The following MED1 variants were observed in gnomAD, a reference collection of about 807,000 sequenced individuals.
MED1 encodes mediator complex subunit 1.
MED1 carries 17 observed loss-of-function variants against 121.3 expected under a neutral mutation model. The ratio of observed to expected loss-of-function variants is 0.14; its 90% CI spans 0.10 to 0.21. The LOEUF is 0.21. Among genes scored for constraint, MED1 ranks in the 10% least tolerant of loss-of-function variants. The pLI is 1.00. For synonymous variants in MED1, 661 were observed against 694.4 expected, an observed-to-expected ratio of 0.95 and a Z score of 0.76; for missense variants, 1,558 against 1,919.4, an observed-to-expected ratio of 0.81 and a Z score of 3.52.
At chr17:39,439,003 C>T (rs1329712474) in intron 6 of MED1, among the ~76,000 whole-genome samples, 162 bp downstream of exon 6, 1 of 152,094 alleles carries the variant, frequency 6.6e-6, no homozygotes, top group Non-Finnish European at 1.5e-5. Flanking sequence ...AAAAGCTATG[C>T]TATGTCAATT....
At chr17:39,423,662 A>G (rs2048487841) in intron 12 of MED1, 35 bp downstream of exon 12, 1 of 1,613,458 alleles carries the variant, frequency 6.2e-7, no homozygotes, top group Non-Finnish European at 8.5e-7. Flanking sequence ...TTTCACATTT[A>G]TAACAAGTAC....
chr17:39,412,615 C>T (rs1444928677), intron 16 of MED1, among the ~76,000 whole-genome samples: 15 of 149,900 alleles, frequency 1.0e-4, no homozygotes, highest in Non-Finnish European at 1.6e-4. Flanking sequence ...CTTGGCTTAC[C>T]GCAACTTCCG....
Position 39,425,530 on chromosome 17 carries a change from G to A in MED1, c.740-792C>T, listed in dbSNP as rs146077035. Among the ~76,000 whole-genome samples, 413 of 152,254 alleles carry A rather than the reference G, an allele frequency of 2.7e-3. 1 individual carries two copies. The highest frequency in any genetic ancestry group is 9.3e-3 in the African/African-American group (385 of 41,572). On this transcript the variant is annotated intron_variant, in intron 10 of 16. Transcript: ENST00000300651. ...ATAAAACTTAGAAATCAGGCCAGGT[G>A]TGATGGCTCATGCCTGTAATCCCAG... is the stretch of plus-strand genomic sequence containing the variant.
rs1046243594 is a variant in MED1 at position 39,405,811 on chromosome 17, T to C, written c.*1664A>G. 5 of 986,104 alleles carry C rather than the reference T, an allele frequency of 5.1e-6. No homozygotes were observed. Among genetic ancestry groups the C allele is most frequent in the African/African-American group, 1.7e-5 (1 of 57,246 alleles). 61.1% of individuals were successfully genotyped at this position (986,104 alleles called of 1,614,324 possible). ...AGCCAAAGCTGATTTTCCAACTCTATGCTGACTCCAACCTGCAGAAAAAGC... is the reference window on the plus strand; with the variant it reads ...AGCCAAAGCTGATTTTCCAACTCTACGCTGACTCCAACCTGCAGAAAAAGC... On this transcript the variant is annotated 3_prime_UTR_variant, in exon 17 of 17. Coordinates refer to ENST00000300651, the MANE Select transcript of MED1 (RefSeq NM_004774.4).
chr17:39,410,293 G>T lies in MED1; in HGVS notation c.1928C>A (p.Pro643Gln). 6.2e-7 allele frequency: 1 copy of T among 1,613,924 alleles called. No individual in the cohort carries two copies. Residue 643 changes from proline to glutamine, a missense_variant, in exon 17 of 17, where the codon CCG becomes CAG. Pro to Gln is a moderately conservative substitution (Grantham distance 76, BLOSUM62 -1). Around this residue, in one of 5 missense-constraint regions of MED1, gnomAD observed 793 missense variants for 898.2 expected, o/e 0.88. Transcript: ENST00000300651. ...SSMAGNTKNH[P>Q]MLMNLLKDNP... is the part of the protein sequence containing the mutation. Reference sequence around the variant, plus strand: ...ATCTTTAAGAAGGTTCATGAGCATCGGGTGGTTCTTGGTGTTGCCGGCCAT... The same window carrying T: ...ATCTTTAAGAAGGTTCATGAGCATCTGGTGGTTCTTGGTGTTGCCGGCCAT...
chr17:39,411,226 G>C (rs572519497), intron 16 of MED1, among the ~76,000 whole-genome samples: 40 of 152,222 alleles, frequency 2.6e-4, no homozygotes, highest in African/African-American at 9.1e-4. Context: ...GGTTGAGGCA[G>C]GAGAATTGCT....
chr17:39,405,887 A>C lies in MED1; in HGVS notation c.*1588T>G. On this transcript the variant is annotated 3_prime_UTR_variant, in exon 17 of 17. Coordinates refer to ENST00000300651, the MANE Select transcript of MED1 (RefSeq NM_004774.4). ...ATGATGAAGTCACTCCACTTACGACATAACACACAAAGGAATCACCTGGCT... is the reference window on the plus strand; with the variant it reads ...ATGATGAAGTCACTCCACTTACGACCTAACACACAAAGGAATCACCTGGCT... 2.0e-6 allele frequency: 2 copies of C among 985,650 alleles called. No homozygotes were observed. Among genetic ancestry groups the C allele is most frequent in the Non-Finnish European group, 2.4e-6 (2 of 830,034 alleles). The allele number at this position is 985,650 out of a possible 1,614,324, so 61.1% of individuals were successfully genotyped here. A position where few individuals can be genotyped will look rare whatever the true frequency, so the allele number is the denominator to read the frequency against.
At position 39,408,088 on chromosome 17, in the gene MED1, GTCT is replaced by G. The variant is rs758410935; in HGVS notation, c.4130_4132del (p.Lys1377del). 1.2e-6 allele frequency: 2 copies of G among 1,614,102 alleles called. No individual in the cohort carries two copies. Among genetic ancestry groups the G allele is most frequent in the Non-Finnish European group, 1.7e-6 (2 of 1,180,018 alleles). ...GCTCCCCACATTTTTTGACTCTGAG[GTCT>G]TCTTAGAAGAATCCACTGAACTCCC... On this transcript the variant is annotated inframe_deletion, in exon 17 of 17. Coordinates refer to ENST00000300651, the MANE Select transcript of MED1 (RefSeq NM_004774.4). The surrounding 1 kb of genome is among the most constrained non-coding windows in gnomAD (Gnocchi z 4.7).
At position 39,408,809 on chromosome 17, in the gene MED1, A is replaced by G; in HGVS notation, c.3412T>C (p.Ser1138Pro). ...SSSMYSSQGS[S>P]GSSQSKNSSQ... ...GAATTTTTGGACTGGCTAGATCCAG[A>G]AGACCCCTGGCTAGAATACATACTG... Residue 1138 changes from serine to proline, a missense_variant, in exon 17 of 17, where the codon TCT becomes CCT. Physicochemically the swap from Ser to Pro is moderately conservative, Grantham distance 74 (BLOSUM62 -1). Transcript: ENST00000300651. The surrounding 1 kb of genome is among the most constrained non-coding windows in gnomAD (Gnocchi z 4.7). 1 of 1,614,000 alleles carries G rather than the reference A, an allele frequency of 6.2e-7. No homozygotes were observed. Among genetic ancestry groups the G allele is most frequent in the Non-Finnish European group, 8.5e-7 (1 of 1,179,936 alleles).
In MED1 at chr17:39,406,403, C is replaced by A. The variant is rs1196407774; in HGVS notation, c.*1072G>T. ...CTTAGGAATGGCATCAGTTCTCCTG[C>A]AAACAAAATGCTGGGATGCAGACTT... On this transcript the variant is annotated 3_prime_UTR_variant, in exon 17 of 17. Coordinates refer to ENST00000300651, the MANE Select transcript of MED1 (RefSeq NM_004774.4). 3 of 985,320 alleles carry A rather than the reference C, an allele frequency of 3.0e-6. No homozygotes were observed. The highest frequency in any genetic ancestry group is 4.7e-5 in the South Asian group (1 of 21,286). The allele number at this position is 985,320 out of a possible 1,614,324, so 61.0% of individuals were successfully genotyped here.
rs780589147 is a variant in MED1, at chr17:39,408,477, C to T, written c.3744G>A (p.Gly1248=). Residue 1248 remains glycine, a synonymous_variant, in exon 17 of 17, where the codon GGG becomes GGA. Coordinates refer to ENST00000300651, the MANE Select transcript of MED1 (RefSeq NM_004774.4). This position sits in a 1 kb window ranked among gnomAD's most constrained non-coding sequence, Gnocchi z 4.7. ...GGGACAACGAGCCTGAGGATCCTAA[C>T]CCTGAAGATGACTTCATGCCAGAGC... ...SSSSGMKSSS[G]LGSSGSLSQK... is the part of the protein sequence containing the mutation. 6.2e-6 allele frequency: 10 copies of T among 1,614,108 alleles called. No homozygotes were observed. The highest frequency in any genetic ancestry group is 6.8e-6 in the Non-Finnish European group (8 of 1,180,026).
At chr17:39,428,267 A>G (rs1288450491) in intron 9 of MED1, among the ~76,000 whole-genome samples, 1 of 151,876 alleles carries the variant, frequency 6.6e-6, no homozygotes, top group African/African-American at 2.4e-5. Context: ...GGCGGATCAC[A>G]AGGTCAGGAT....
intron 10 of MED1, among the ~76,000 whole-genome samples, chr17:39,425,080 CAT>C (rs1353991874): frequency 6.6e-6 from 1 of 152,048 alleles, no homozygotes; most frequent in East Asian, 1.9e-4. Flanking sequence ...GGGGTTTCAC[CAT>C]GTTGGTCAGG....
chr17:39,419,805 T>G lies in MED1; in HGVS notation c.1209A>C (p.Arg403=). The change falls in exon 14 of 17, where the codon CGA becomes CGC. Residue 403 remains arginine, a synonymous_variant. Transcript: ENST00000300651. ...VSKITFQHPG[R]VPLILNLIRH... Reference sequence around the variant, plus strand: ...TGATCAGATTTAGGATAAGAGGAACTCGGCCAGGGTGCTGAAAGGTGATTT... The same window carrying G: ...TGATCAGATTTAGGATAAGAGGAACGCGGCCAGGGTGCTGAAAGGTGATTT... 1 of 1,614,016 alleles carries G rather than the reference T, an allele frequency of 6.2e-7. No individual in the cohort carries two copies. The highest frequency in any genetic ancestry group is 8.5e-7 in the Non-Finnish European group (1 of 1,179,972).
At chr17:39,427,645 A>G in intron 10 of MED1, 56 bp downstream of exon 10, 1 of 1,321,426 alleles carries the variant, frequency 7.6e-7, no homozygotes, top group Admixed American at 2.0e-5. Flanking sequence ...ACCAGAAATT[A>G]AAGGCAAGCT....
Position 39,405,203 on chromosome 17 carries a change from C to T in MED1, c.*2272G>A, listed in dbSNP as rs1315263736. 11 of 1,555,992 alleles carry T rather than the reference C, an allele frequency of 7.1e-6. No homozygotes were observed. The highest frequency in any genetic ancestry group is 2.4e-5 in the East Asian group (1 of 42,482). On this transcript the variant is annotated 3_prime_UTR_variant, in exon 17 of 17. Transcript: ENST00000300651. Reference sequence around the variant, plus strand: ...CAGGCAGGGTGAAGCAGTTTAGCCCCGGCTCCCTGTTAAGCAAGTTCAGAT... The same window carrying T: ...CAGGCAGGGTGAAGCAGTTTAGCCCTGGCTCCCTGTTAAGCAAGTTCAGAT...
chr17:39,427,425 C>A, intron 10 of MED1: 1 of 190,124 alleles, frequency 5.3e-6, no homozygotes, highest in South Asian at 1.0e-4. Flanking sequence ...CGTGATCTGC[C>A]CACCTCAGCC....
At chr17:39,441,632 T>C (rs912643896) in intron 3 of MED1, among the ~76,000 whole-genome samples, 2 of 151,912 alleles carry the variant, frequency 1.3e-5, no homozygotes, top group African/African-American at 2.4e-5. Flanking sequence ...TAGCCAGGTG[T>C]GGTGGTGCGC....
intron 9 of MED1, among the ~76,000 whole-genome samples, chr17:39,428,581 C>A (rs1251584571): frequency 6.6e-6 from 1 of 152,076 alleles, no homozygotes; most frequent in Non-Finnish European, 1.5e-5. Context: ...ATACAATGAG[C>A]CGTGATTGTG....
Sources: gnomAD v4.1 joint callset for allele counts (sites outside exome capture counted in the v4.1 genomes callset) on GRCh38, gnomAD v4.1.1 for gene constraint, gnomAD v4.1.1 regional missense constraint, Gnocchi (gnomAD v3.1) non-coding constraint, MANE v1.5 for transcripts, NCBI Gene and HGNC (gene_info 2026-07-23, HGNC 2026-07-21) for gene names.